CUX2: variants seen among roughly 807,000 people sequenced by gnomAD.
CUX2 encodes the protein cut like homeobox 2, also known as homeobox protein cut-like 2.
CUX2 carries 40 observed loss-of-function variants against 144.8 expected under a neutral mutation model. That is an observed-to-expected ratio of 0.28 (90% CI 0.21 to 0.36). The LOEUF is 0.36. CUX2 is among the 10% of genes least tolerant of loss of function. The probability of loss-of-function intolerance (pLI) is 1.00; values close to 1 mark genes in which losing one functional copy is unlikely to be tolerated. For synonymous variants in CUX2, 827 were observed against 875.6 expected (o/e 0.94, Z 0.98); for missense variants, 1,615 against 1,994.0 (o/e 0.81, Z 3.62).
intron 3 of CUX2, among the ~76,000 whole-genome samples, chr12:111,253,319 AC>A (rs1883660395): frequency 1.1e-5 from 1 of 87,410 alleles, no homozygotes; most frequent in African/African-American, 6.6e-5. Flanking sequence ...TCACCTCCCG[AC>A]CCCCTTTCTT....
At chr12:111,339,061 TG>T (rs1888472634) in intron 20 of CUX2, among the ~76,000 whole-genome samples, 2 of 151,968 alleles carry the variant, frequency 1.3e-5, no homozygotes, top group South Asian at 4.2e-4. Flanking sequence ...GGCAAAACCC[TG>T]TCTCTACTAA....
intron 1 of CUX2, among the ~76,000 whole-genome samples, chr12:111,121,942 C>CA (rs1480169166): frequency 6.6e-6 from 1 of 151,862 alleles, no homozygotes; most frequent in African/African-American, 2.4e-5. Flanking sequence ...TACGAGTTCT[C>CA]AAAAACAAAT....
In CUX2 at chr12:111,293,647, G is replaced by A. The variant is rs529797832; in HGVS notation, c.560+78G>A. ...TGCCCCACCTGGCTGGGTCGTGGAC[G>A]GGGAAAGTCTCCTACCAGAATCCAG... On this transcript the variant is annotated intron_variant, in intron 6 of 21. Transcript: ENST00000261726. This position sits in a 1 kb window ranked among gnomAD's most constrained non-coding sequence, Gnocchi z 4.5. The A allele has an allele frequency of 1.5e-5, 23 of 1,501,112 alleles. No homozygotes were observed. The highest frequency in any genetic ancestry group is 5.0e-5 in the East Asian group (2 of 40,104). The allele number at this position is 1,501,112 out of a possible 1,614,324, so 93.0% of individuals were successfully genotyped here. A position where few individuals can be genotyped will look rare whatever the true frequency, so the allele number is the denominator to read the frequency against.
intron 4 of CUX2, among the ~76,000 whole-genome samples, chr12:111,288,536 T>G (rs968863996): frequency 1.3e-5 from 2 of 151,808 alleles, no homozygotes; most frequent in African/African-American, 4.8e-5. Context: ...CAGAAAAATC[T>G]GGGGGAGCGA....
chr12:111,230,013 CAA>C (rs532647802), intron 3 of CUX2, among the ~76,000 whole-genome samples: 65 of 77,882 alleles, frequency 8.3e-4, no homozygotes, highest in Non-Finnish European at 6.5e-4. Context: ...GACCCTGTCT[CAA>C]AAAAAAAAAA....
At position 111,034,854 on chromosome 12, in the gene CUX2, C is replaced by T. The variant is rs1172884766; in HGVS notation, c.63+614C>T. On this transcript the variant is annotated intron_variant, in intron 1 of 21. Transcript: ENST00000261726. The surrounding 1 kb of genome is among the most constrained non-coding windows in gnomAD (Gnocchi z 4.2). ...GCTGCGCAGCCCGGACGCGCCGCCA[C>T]CCGGGGGCCGCCGCCGCCGCCGCCA... Among the ~76,000 whole-genome samples, 1 of 148,954 alleles carries T rather than the reference C, an allele frequency of 6.7e-6. No homozygotes were observed. Among genetic ancestry groups the T allele is most frequent in the Non-Finnish European group, 1.5e-5 (1 of 66,828 alleles).
chr12:111,264,196 A>G (rs1884267760), intron 4 of CUX2, among the ~76,000 whole-genome samples: 1 of 152,180 alleles, frequency 6.6e-6, no homozygotes, highest in Non-Finnish European at 1.5e-5. Context: ...GCAGGTGGCA[A>G]TAGAGGCAAG....
rs1252089369 is a variant in CUX2, at chr12:111,061,175, T to C, written c.63+26935T>C. ...AGCTGTCCCCAGATGTGTGCATGCA[T>C]ATGCACACACACACACACACACACA... On this transcript the variant is annotated intron_variant, in intron 1 of 21. Coordinates refer to ENST00000261726, the MANE Select transcript of CUX2 (RefSeq NM_015267.4). This position sits in a 1 kb window ranked among gnomAD's most constrained non-coding sequence, Gnocchi z 4.2. 5.8e-5 allele frequency among the ~76,000 whole-genome samples: 6 copies of C among 102,710 alleles called. No individual in the cohort carries two copies. The highest frequency in any genetic ancestry group is 2.1e-4 in the African/African-American group (5 of 24,326). 67.4% of individuals were successfully genotyped at this position (102,710 alleles called of 152,430 possible).
intron 9 of CUX2, among the ~76,000 whole-genome samples, chr12:111,303,698 G>A (rs1886432315): frequency 6.6e-6 from 1 of 152,080 alleles, no homozygotes; most frequent in South Asian, 2.1e-4. Context: ...ACTTGCCCAG[G>A]GGCTGCAATA....
rs116515260 is a variant in CUX2 at position 111,101,564 on chromosome 12, G to C, written c.63+67324G>C. On this transcript the variant is annotated intron_variant, in intron 1 of 21. Transcript: ENST00000261726. ...CAGATCTGGGTGGGTGAGTGGGTAG[G>C]GGGAGTCACATCTTACAAAACAGAA... Among the ~76,000 whole-genome samples the C allele has an allele frequency of 5.9e-3, 905 of 152,300 alleles. 7 individuals are homozygous for C. Among genetic ancestry groups the C allele is most frequent in the African/African-American group, 0.021 (856 of 41,560 alleles).
intron 21 of CUX2, among the ~76,000 whole-genome samples, chr12:111,346,555 A>T (rs1242277794): frequency 6.6e-6 from 1 of 152,060 alleles, no homozygotes; most frequent in Non-Finnish European, 1.5e-5. Context: ...CATTATTATT[A>T]TGTTTGTAAC....
intron 16 of CUX2, among the ~76,000 whole-genome samples, chr12:111,315,979 A>G (rs1887169755): frequency 6.6e-6 from 1 of 152,228 alleles, no homozygotes; most frequent in Admixed American, 6.5e-5. Flanking sequence ...GGAAGGGAAT[A>G]CATGAGAATA....
At chr12:111,070,722 A>C (rs989711427) in intron 1 of CUX2, among the ~76,000 whole-genome samples, 1 of 152,036 alleles carries the variant, frequency 6.6e-6, no homozygotes, top group African/African-American at 2.4e-5. Context: ...CATACCTAGG[A>C]TTTTTGCTGC....
chr12:111,059,733 G>A lies in CUX2; in HGVS notation c.63+25493G>A, dbSNP rs1870682899. 6.6e-6 allele frequency among the ~76,000 whole-genome samples: 1 copy of A among 152,050 alleles called. No homozygotes were observed. Among genetic ancestry groups the A allele is most frequent in the African/African-American group, 2.4e-5 (1 of 41,390 alleles). ...GAGGAGGGGAGGGTGATGTGGAAGGGGTGCTACCAAGGAGAAGGTGGTCGT... is the reference window on the plus strand; with the variant it reads ...GAGGAGGGGAGGGTGATGTGGAAGGAGTGCTACCAAGGAGAAGGTGGTCGT... On this transcript the variant is annotated intron_variant, in intron 1 of 21. Transcript: ENST00000261726. This position sits in a 1 kb window ranked among gnomAD's most constrained non-coding sequence, Gnocchi z 5.3.
At chr12:111,283,819 C>G (rs1885247062) in intron 4 of CUX2, among the ~76,000 whole-genome samples, 1 of 152,224 alleles carries the variant, frequency 6.6e-6, no homozygotes, top group Non-Finnish European at 1.5e-5. Context: ...GTCTGCCCAC[C>G]TCAGCCTCCT....
intron 1 of CUX2, among the ~76,000 whole-genome samples, chr12:111,054,211 G>A (rs1210603915): frequency 6.6e-6 from 1 of 152,220 alleles, no homozygotes; most frequent in Non-Finnish European, 1.5e-5. Flanking sequence ...TTCAGTGTGA[G>A]AGCTGGCGTC....
At chr12:111,093,395 A>G (rs1872645328) in intron 1 of CUX2, among the ~76,000 whole-genome samples, 1 of 152,242 alleles carries the variant, frequency 6.6e-6, no homozygotes, top group East Asian at 1.9e-4. Flanking sequence ...AGATTTTTAC[A>G]CAGACGAGAA....
At chr12:111,283,269 C>A (rs1194998493) in intron 4 of CUX2, among the ~76,000 whole-genome samples, 1 of 151,942 alleles carries the variant, frequency 6.6e-6, no homozygotes, top group African/African-American at 2.4e-5. Flanking sequence ...GCAGGTTAGG[C>A]CTTCAGGATG....
At chr12:111,063,842 A>G (rs1260839682) in intron 1 of CUX2, among the ~76,000 whole-genome samples, 1 of 152,230 alleles carries the variant, frequency 6.6e-6, no homozygotes, top group Non-Finnish European at 1.5e-5. Context: ...GTTCCATATG[A>G]GCCATTCTGG....
Sources: gnomAD v4.1 joint callset for allele counts (sites outside exome capture counted in the v4.1 genomes callset) on GRCh38, gnomAD v4.1.1 for gene constraint, Gnocchi (gnomAD v3.1) non-coding constraint, MANE v1.5 for transcripts, NCBI Gene and HGNC (gene_info 2026-07-23, HGNC 2026-07-21) for gene names.